The following GTF3C1 variants were observed in gnomAD, a reference collection of about 807,000 sequenced individuals.
GTF3C1 encodes general transcription factor 3C polypeptide 1.
Under a neutral mutation model 226.7 loss-of-function variants are expected in GTF3C1, and 57 were observed. The observed-to-expected ratio is 0.25, with a 90% confidence interval of 0.20 to 0.31. The LOEUF (loss-of-function observed/expected upper bound fraction) is 0.31. Ranked by LOEUF, GTF3C1 falls within the 10% of genes least tolerant of loss-of-function variation. The pLI is 1.00. For missense variants in GTF3C1, 2,217 were observed against 2,776.1 expected (o/e 0.80, Z 4.53); for synonymous variants, 1,090 against 1,084.8 (o/e 1.00, Z -0.09).
At chr16:27,489,306 T>C (rs957513518) in intron 20 of GTF3C1, 128 bp from the exon 21 acceptor site, 1 of 1,031,086 alleles carries the variant, frequency 9.7e-7, no homozygotes, top group African/African-American at 1.6e-5. Flanking sequence ...ACCCCACAGG[T>C]AGCAATGAAG....
At chr16:27,512,686 A>G (rs2088593356) in intron 6 of GTF3C1, among the ~76,000 whole-genome samples, 2 of 152,178 alleles carry the variant, frequency 1.3e-5, no homozygotes, top group African/African-American at 4.8e-5. Flanking sequence ...AAAATAACAA[A>G]CTTGTGCCTA....
At chr16:27,536,846 C>CA (rs1409551598) in intron 4 of GTF3C1, among the ~76,000 whole-genome samples, 1 of 152,070 alleles carries the variant, frequency 6.6e-6, no homozygotes, top group Non-Finnish European at 1.5e-5. Flanking sequence ...GCCCCTCCCA[C>CA]AAAAAAGGGC....
chr16:27,488,659 G>T, intron 21 of GTF3C1, 24 bp from the exon 22 acceptor site: 1 of 1,570,684 alleles, frequency 6.4e-7, no homozygotes, highest in Non-Finnish European at 8.7e-7. Context: ...ACAGCACTGG[G>T]ATGAAGCATG....
At position 27,463,301 on chromosome 16, in the gene GTF3C1, C is replaced by A; in HGVS notation, c.5924+240G>T. The A allele has an allele frequency of 3.6e-6, 2 of 553,692 alleles. No individual in the cohort carries two copies. Among genetic ancestry groups the A allele is most frequent in the South Asian group, 4.7e-5 (2 of 42,830 alleles). 34.3% of individuals were successfully genotyped at this position (553,692 alleles called of 1,614,324 possible). The stretch of plus-strand genomic sequence containing the variant: ...ACCAGGCATGGTTCTCCACCAGCGC[C>A]CTGGGCATTCTGGAAGCGCAGCCCT... On this transcript the variant is annotated intron_variant, in intron 35 of 36. Transcript: ENST00000356183. This position sits in a 1 kb window ranked among gnomAD's most constrained non-coding sequence, Gnocchi z 4.9.
intron 29 of GTF3C1, among the ~76,000 whole-genome samples, chr16:27,474,107 C>T (rs1205580090): frequency 6.6e-6 from 1 of 152,202 alleles, no homozygotes; most frequent in Non-Finnish European, 1.5e-5. Flanking sequence ...CTTCCCGGAA[C>T]CTTGAGGGGA....
Position 27,461,604 on chromosome 16 carries a change from G to A in GTF3C1, c.6118-42C>T, listed in dbSNP as rs372277517. On this transcript the variant is annotated intron_variant, in intron 36 of 36. Coordinates refer to ENST00000356183, the MANE Select transcript of GTF3C1 (RefSeq NM_001520.4). This position sits in a 1 kb window ranked among gnomAD's most constrained non-coding sequence, Gnocchi z 5.3. The stretch of plus-strand genomic sequence containing the variant: ...CACAGGTTACAGCGGCACTGCCCTC[G>A]CCTGCTTGTTGATTTATTCTTCAAG... 7.3e-5 allele frequency: 103 copies of A among 1,408,160 alleles called. No homozygotes were observed. In the African/African-American group the frequency reaches 1.0e-3, roughly 14 times the overall value. 87.2% of individuals were successfully genotyped at this position (1,408,160 alleles called of 1,614,324 possible).
rs762889862 is a variant in GTF3C1, at chr16:27,463,564, G to C, written c.5901C>G (p.Asn1967Lys). The C allele has an allele frequency of 8.1e-6, 13 of 1,603,230 alleles. No homozygotes were observed. Among genetic ancestry groups the C allele is most frequent in the Non-Finnish European group, 1.1e-5 (13 of 1,170,202 alleles). ...ACCTTTCCCGTGCTGCCTGGGAGAT[G>C]TTGGCAGCTCCGAAACTCTCTGTGA... is the stretch of plus-strand genomic sequence containing the variant. ...RGFTESFGAANISQAARERDC... is the reference protein window; with the variant it reads ...RGFTESFGAAKISQAARERDC... Residue 1967 changes from asparagine (N) to lysine (K), a missense_variant, in exon 35 of 37, where the codon AAC becomes AAG. Physicochemically the swap from Asn to Lys is moderately conservative, Grantham distance 94. Transcript: ENST00000356183. This position sits in a 1 kb window ranked among gnomAD's most constrained non-coding sequence, Gnocchi z 4.9.
Position 27,497,624 on chromosome 16 carries a change from A to C in GTF3C1, c.2350+13T>G, listed in dbSNP as rs377012672. On this transcript the variant is annotated intron_variant, in intron 14 of 36. Coordinates refer to ENST00000356183, the MANE Select transcript of GTF3C1 (RefSeq NM_001520.4). ...CAAATGTAACTAAACACAGACAAGA[A>C]GCTGCAGCTTACCTACAATGGGGTG... 3.6e-5 allele frequency: 58 copies of C among 1,596,666 alleles called. No homozygotes were observed. The Middle Eastern group carries it at 1.1e-3, about 30-fold the overall frequency.
rs886595028 is a variant in GTF3C1 at position 27,462,129 on chromosome 16, C to A, written c.6117+165G>T. 6.2e-5 allele frequency: 38 copies of A among 609,214 alleles called. No homozygotes were observed. The East Asian group carries it at 9.1e-4, about 15-fold the overall frequency. 37.7% of individuals were successfully genotyped at this position (609,214 alleles called of 1,614,324 possible). On this transcript the variant is annotated intron_variant, in intron 36 of 36. Transcript: ENST00000356183. The surrounding 1 kb of genome is among the most constrained non-coding windows in gnomAD (Gnocchi z 4.5). ...AGCAGCATGGAGCTGGTGAAGGACA[C>A]TGAGGGACAGCCTGAGAGGCAGGAG...
At position 27,530,726 on chromosome 16, in the gene GTF3C1, C is replaced by A. The variant is rs539348820; in HGVS notation, c.850-2005G>T. On this transcript the variant is annotated intron_variant, in intron 5 of 36. Coordinates refer to ENST00000356183, the MANE Select transcript of GTF3C1 (RefSeq NM_001520.4). ...TGCTCCTCTTTCTGACCTATTTATT[C>A]AACTCCCATTCAGCAAATATTTACT... is the stretch of plus-strand genomic sequence containing the variant. Among the ~76,000 whole-genome samples, 10 of 152,294 alleles carry A rather than the reference C, an allele frequency of 6.6e-5. No homozygotes were observed. In the South Asian group the frequency reaches 2.1e-3, roughly 32 times the overall value.
rs753336369 is a variant in GTF3C1 at position 27,545,376 on chromosome 16, A to G, written c.369T>C (p.Ile123=). Residue 123 remains isoleucine (I), a synonymous_variant, in exon 2 of 37, where the codon ATT becomes ATC. Transcript: ENST00000356183. ...SCRYFKERKN[I]TNDIRTKSLQ... Reference sequence around the variant, plus strand: ...AGGACTTGGTTCTGATGTCATTGGTAATGTTTTTCCTCTCCTTAAAGTAGC... The same window carrying G: ...AGGACTTGGTTCTGATGTCATTGGTGATGTTTTTCCTCTCCTTAAAGTAGC... 130 of 1,613,830 alleles carry G rather than the reference A, an allele frequency of 8.1e-5. No homozygotes were observed. Among genetic ancestry groups the G allele is most frequent in the Non-Finnish European group, 1.1e-4 (124 of 1,179,790 alleles).
intron 14 of GTF3C1, among the ~76,000 whole-genome samples, chr16:27,495,867 C>T (rs989627248): frequency 1.3e-5 from 2 of 152,164 alleles, no homozygotes; most frequent in Non-Finnish European, 2.9e-5. Context: ...GGGGTGTGCC[C>T]CGCACATTCC....
In GTF3C1 at chr16:27,469,892, G is replaced by A. The variant is rs529486796; in HGVS notation, c.4814+216C>T. Among the ~76,000 whole-genome samples the A allele has an allele frequency of 2.0e-5, 3 of 152,018 alleles. No individual in the cohort carries two copies. In the East Asian group the frequency reaches 5.8e-4, roughly 29 times the overall value. ...CCCTTCTCTTCCCTGCCCCTCCCCT[G>A]CCCCGCTGTGCTGCGTCCTTCTCTT... is the stretch of plus-strand genomic sequence containing the variant. On this transcript the variant is annotated intron_variant, in intron 31 of 36. Transcript: ENST00000356183. The surrounding 1 kb of genome is among the most constrained non-coding windows in gnomAD (Gnocchi z 4.5).
At position 27,462,113 on chromosome 16, in the gene GTF3C1, G is replaced by A; in HGVS notation, c.6117+181C>T. On this transcript the variant is annotated intron_variant, in intron 36 of 36. Transcript: ENST00000356183. This position sits in a 1 kb window ranked among gnomAD's most constrained non-coding sequence, Gnocchi z 4.5. ...ATCTTCCAGCCTGGTCAGCAGCATG[G>A]AGCTGGTGAAGGACACTGAGGGACA... 1 of 596,952 alleles carries A rather than the reference G, an allele frequency of 1.7e-6. No individual in the cohort carries two copies. Among genetic ancestry groups the A allele is most frequent in the East Asian group, 2.8e-5 (1 of 36,234 alleles). 37.0% of individuals were successfully genotyped at this position (596,952 alleles called of 1,614,324 possible). A position where few individuals can be genotyped will look rare whatever the true frequency, so the allele number is the denominator to read the frequency against.
In GTF3C1 at chr16:27,537,388, T is replaced by C. The variant is rs78706041; in HGVS notation, c.752+396A>G. ...CAAATGCCATTTTTTAAAAAAGCTATAGTCATATTCTAATTTGGCTTCTAT... is the reference window on the plus strand; with the variant it reads ...CAAATGCCATTTTTTAAAAAAGCTACAGTCATATTCTAATTTGGCTTCTAT... On this transcript the variant is annotated intron_variant, in intron 4 of 36. Transcript: ENST00000356183. Among the ~76,000 whole-genome samples, 181 of 152,294 alleles carry C rather than the reference T, an allele frequency of 1.2e-3. 4 individuals are homozygous for C. In the East Asian group the frequency reaches 0.029, roughly 25 times the overall value.
intron 13 of GTF3C1, 102 bp from the exon 14 acceptor site, chr16:27,497,923 G>T: frequency 1.0e-6 from 1 of 968,264 alleles, no homozygotes; most frequent in East Asian, 2.5e-5. Flanking sequence ...CTTGGCCTGG[G>T]GGTTTCAAAT....
At chr16:27,483,937 A>G (rs569686642) in intron 25 of GTF3C1, among the ~76,000 whole-genome samples, 1 of 152,232 alleles carries the variant, frequency 6.6e-6, no homozygotes, top group East Asian at 1.9e-4. Flanking sequence ...GAGTCAGCCT[A>G]TCTAGTCTCC....
chr16:27,489,414 C>T (rs531414276), intron 20 of GTF3C1, among the ~76,000 whole-genome samples, 188 bp downstream of exon 20: 3 of 152,176 alleles, frequency 2.0e-5, no homozygotes, highest in East Asian at 1.9e-4. Flanking sequence ...TTTTGACAAC[C>T]GATTACATTT....
At chr16:27,482,000 G>A (rs1387655975) in intron 26 of GTF3C1, among the ~76,000 whole-genome samples, 1 of 152,210 alleles carries the variant, frequency 6.6e-6, no homozygotes, top group Non-Finnish European at 1.5e-5. Flanking sequence ...CACCAGGACA[G>A]TTTAAGCCAC....
Sources: allele counts gnomAD v4.1 joint callset (sites outside exome capture counted in the v4.1 genomes callset), GRCh38; gene constraint gnomAD v4.1.1; non-coding constraint Gnocchi (gnomAD v3.1); transcripts MANE v1.5; gene names NCBI Gene and HGNC (gene_info 2026-07-23, HGNC 2026-07-21).